The following PPP1R14C variants were observed in gnomAD, a reference collection of about 807,000 sequenced individuals.
PPP1R14C encodes protein phosphatase 1 regulatory subunit 14C.
A neutral mutation model predicts 20.4 loss-of-function variants in PPP1R14C; 16 were observed. The ratio of observed to expected loss-of-function variants is 0.78; its 90% CI spans 0.53 to 1.19. The LOEUF is 1.19. Ranked by LOEUF, PPP1R14C falls within the 50% of genes most tolerant of loss-of-function variation. The pLI, the probability that PPP1R14C is intolerant of heterozygous loss-of-function variation, is 0.00. For synonymous variants in PPP1R14C, 91 were observed against 91.0 expected (o/e 1.00, Z 0.00); for missense variants, 211 against 220.1 (o/e 0.96, Z 0.26).
At chr6:150,230,715 A>T (rs17079463) in intron 3 of PPP1R14C, among the ~76,000 whole-genome samples, 8,930 of 152,242 alleles carry the variant, frequency 0.059, 337 homozygotes, top group African/African-American at 0.087. Context: ...TTGTCAGGAA[A>T]TATTTCCAAT....
At chr6:150,184,094 A>C (rs185085542) in intron 1 of PPP1R14C, among the ~76,000 whole-genome samples, 5 of 152,222 alleles carry the variant, frequency 3.3e-5, no homozygotes, top group African/African-American at 1.2e-4. Flanking sequence ...ATTCTCTGTC[A>C]TAGATTCAGA....
chr6:150,217,082 T>A (rs1394318242), intron 3 of PPP1R14C, among the ~76,000 whole-genome samples: 1 of 152,224 alleles, frequency 6.6e-6, no homozygotes, highest in East Asian at 1.9e-4. Context: ...GTGTGTTGCT[T>A]GTGTTAGATA....
intron 1 of PPP1R14C, among the ~76,000 whole-genome samples, chr6:150,204,591 G>A (rs1027402562): frequency 6.6e-5 from 10 of 152,238 alleles, no homozygotes; most frequent in Non-Finnish European, 8.8e-5. Context: ...TTTGCACAAC[G>A]TGCGTGGGCA....
At chr6:150,146,537 G>T (rs1367339899) in intron 1 of PPP1R14C, among the ~76,000 whole-genome samples, 1 of 152,176 alleles carries the variant, frequency 6.6e-6, no homozygotes, top group Non-Finnish European at 1.5e-5. Flanking sequence ...TTAGGAGACT[G>T]CCCTGGCCTG....
In PPP1R14C at chr6:150,216,853, A is replaced by G. The variant is rs142300425; in HGVS notation, c.420A>G (p.Thr140=). The G allele has an allele frequency of 1.2e-6, 2 of 1,603,060 alleles. No individual in the cohort carries two copies. The highest frequency in any genetic ancestry group is 2.2e-5 in the East Asian group (1 of 44,590). ...QEALVDCYKP[T]EEFIKELLSR... is the part of the protein sequence containing the mutation. ...CTCTTGTAGACTGCTACAAACCAACAGAGGTAAGCAAATCACTTTTCCTAA... is the reference window on the plus strand; with the variant it reads ...CTCTTGTAGACTGCTACAAACCAACGGAGGTAAGCAAATCACTTTTCCTAA... Residue 140 remains threonine, a synonymous_variant, in exon 3 of 4, where the codon ACA becomes ACG. Transcript: ENST00000361131.
chr6:150,159,458 T>C (rs1198698126), intron 1 of PPP1R14C, among the ~76,000 whole-genome samples: 1 of 152,072 alleles, frequency 6.6e-6, no homozygotes, highest in Non-Finnish European at 1.5e-5. Flanking sequence ...ATTCCAGTTT[T>C]TATCTTGTGT....
At chr6:150,197,307 A>G (rs1346705688) in intron 1 of PPP1R14C, among the ~76,000 whole-genome samples, 1 of 152,240 alleles carries the variant, frequency 6.6e-6, no homozygotes, top group African/African-American at 2.4e-5. Flanking sequence ...TCATGGGAAC[A>G]GCTGGACTTT....
chr6:150,217,195 A>ATT (rs397886649), intron 3 of PPP1R14C, among the ~76,000 whole-genome samples: 15 of 135,644 alleles, frequency 1.1e-4, no homozygotes, highest in African/African-American at 2.7e-4. Context: ...ATTGGTATGT[A>ATT]TTTTTTTTTT....
intron 1 of PPP1R14C, among the ~76,000 whole-genome samples, chr6:150,168,087 C>G (rs1777451820): frequency 1.6e-5 from 1 of 64,458 alleles, no homozygotes; most frequent in Non-Finnish European, 3.0e-5. Context: ...CTCTCCCTTT[C>G]CGTTTTCACT....
intron 1 of PPP1R14C, among the ~76,000 whole-genome samples, chr6:150,184,251 C>A (rs1244958526): frequency 6.6e-6 from 1 of 152,170 alleles, no homozygotes; most frequent in Non-Finnish European, 1.5e-5. Flanking sequence ...GCTTTTAAGG[C>A]ACAAATGGAG....
intron 1 of PPP1R14C, among the ~76,000 whole-genome samples, chr6:150,188,286 C>A (rs901782598): frequency 2.2e-4 from 34 of 152,114 alleles, no homozygotes; most frequent in Non-Finnish European, 4.1e-4. Context: ...TTTCATGAAT[C>A]TTCTTTTGGT....
At chr6:150,182,076 A>G (rs1777628194) in intron 1 of PPP1R14C, among the ~76,000 whole-genome samples, 1 of 152,234 alleles carries the variant, frequency 6.6e-6, no homozygotes, top group Non-Finnish European at 1.5e-5. Flanking sequence ...TAAAAGCCAT[A>G]AAACTTAATC....
At chr6:150,208,556 A>G (rs980188020) in intron 1 of PPP1R14C, among the ~76,000 whole-genome samples, 3 of 152,206 alleles carry the variant, frequency 2.0e-5, no homozygotes, top group African/African-American at 7.2e-5. Flanking sequence ...GGTTATAAAA[A>G]TCACATCCAA....
At chr6:150,176,587 CTG>C (rs979809632) in intron 1 of PPP1R14C, among the ~76,000 whole-genome samples, 32 of 152,236 alleles carry the variant, frequency 2.1e-4, no homozygotes, top group African/African-American at 7.7e-4. Flanking sequence ...AATTCATGAT[CTG>C]TGTCTTTCTA....
intron 3 of PPP1R14C, among the ~76,000 whole-genome samples, chr6:150,229,338 T>G (rs1778265536): frequency 6.6e-6 from 1 of 152,196 alleles, no homozygotes; most frequent in Admixed American, 6.5e-5. Flanking sequence ...AGATTATAAT[T>G]TTGCCAAATT....
intron 1 of PPP1R14C, among the ~76,000 whole-genome samples, chr6:150,149,299 A>ATGTG (rs141854673): frequency 0.01 from 1,482 of 147,432 alleles, 20 homozygotes; most frequent in East Asian, 0.028. Context: ...CTCCATACAT[A>ATGTG]TGTGTGTGTG....
intron 1 of PPP1R14C, among the ~76,000 whole-genome samples, chr6:150,198,997 C>A (rs1310253769): frequency 7.0e-6 from 1 of 142,870 alleles, no homozygotes; most frequent in Non-Finnish European, 1.6e-5. Context: ...TGGTAGGCTT[C>A]TTCTTTTTTT....
chr6:150,162,860 T>A (rs1777385294), intron 1 of PPP1R14C, among the ~76,000 whole-genome samples: 1 of 151,892 alleles, frequency 6.6e-6, no homozygotes, highest in African/African-American at 2.4e-5. Flanking sequence ...GGATAATGAG[T>A]GAGAGACTGT....
At chr6:150,211,939 T>A (rs923810377) in intron 1 of PPP1R14C, among the ~76,000 whole-genome samples, 6 of 152,086 alleles carry the variant, frequency 3.9e-5, no homozygotes, top group Non-Finnish European at 8.8e-5. Context: ...TCACTTGAGG[T>A]TTTTTCCCCA....
Sources: allele counts gnomAD v4.1 joint callset (sites outside exome capture counted in the v4.1 genomes callset), GRCh38; gene constraint gnomAD v4.1.1; transcripts MANE v1.5; gene names NCBI Gene and HGNC (gene_info 2026-07-23, HGNC 2026-07-21).